MYLK: variants seen among roughly 807,000 people sequenced by gnomAD.
MYLK encodes the protein myosin light chain kinase, smooth muscle.
Under a neutral mutation model 203.4 loss-of-function variants are expected in MYLK, and 106 were observed. The observed-to-expected ratio is 0.52, with a 90% CI of 0.45 to 0.61. The LOEUF is 0.61. Among genes scored for constraint, MYLK ranks in the 20% least tolerant of loss-of-function variants. The probability of loss-of-function intolerance (pLI) is 0.00; values close to 1 mark genes in which losing one functional copy is unlikely to be tolerated. For missense variants in MYLK, 2,072 were observed against 2,442.3 expected, an observed-to-expected ratio of 0.85 and a Z score of 3.20; for synonymous variants, 867 against 959.5, an observed-to-expected ratio of 0.90 and a Z score of 1.78.
chr3:123,613,550 T>C lies in MYLK; in HGVS notation c.*555A>G, dbSNP rs1321660534. On this transcript the variant is annotated 3_prime_UTR_variant, in exon 34 of 34. Transcript: ENST00000360304. ...ATGACAAGTTGAGAGTCAGCAAAACTGGCAGGTGGAAGGGGAAAGAGAAAT... is the reference window on the plus strand; with the variant it reads ...ATGACAAGTTGAGAGTCAGCAAAACCGGCAGGTGGAAGGGGAAAGAGAAAT... 1 of 162,826 alleles carries C rather than the reference T, an allele frequency of 6.1e-6. No homozygotes were observed. The highest frequency in any genetic ancestry group is 5.8e-5 in the Admixed American group (1 of 17,106). The allele number at this position is 162,826 out of a possible 1,614,324, so 10.1% of individuals were successfully genotyped here.
At chr3:123,830,069 C>T (rs967988094) in intron 3 of MYLK, among the ~76,000 whole-genome samples, 1 of 152,228 alleles carries the variant, frequency 6.6e-6, no homozygotes, top group Non-Finnish European at 1.5e-5. Context: ...TCTGGCATAG[C>T]CCACTCACCA....
At chr3:123,710,727 C>T (rs1282501401) in intron 13 of MYLK, among the ~76,000 whole-genome samples, 1 of 152,134 alleles carries the variant, frequency 6.6e-6, no homozygotes, top group Non-Finnish European at 1.5e-5. Flanking sequence ...CTGGGTATGT[C>T]CCTGAGAGAA....
At chr3:123,653,271 G>A (rs772137605) in intron 24 of MYLK, among the ~76,000 whole-genome samples, 1 of 152,006 alleles carries the variant, frequency 6.6e-6, no homozygotes, top group Non-Finnish European at 1.5e-5. Context: ...GAACACACAC[G>A]CCACTTCCCT....
At chr3:123,843,921 C>T (rs1030814518) in intron 2 of MYLK, among the ~76,000 whole-genome samples, 1 of 152,158 alleles carries the variant, frequency 6.6e-6, no homozygotes, top group African/African-American at 2.4e-5. Context: ...TTCAAATATG[C>T]TTCTTGAGTC....
chr3:123,698,579 G>A (rs1272340178), intron 18 of MYLK, among the ~76,000 whole-genome samples: 1 of 152,232 alleles, frequency 6.6e-6, no homozygotes, highest in African/African-American at 2.4e-5. Context: ...CATGCCTCAG[G>A]GGAGGGGGGC....
In MYLK at chr3:123,700,483, A is replaced by C; in HGVS notation, c.2985T>G (p.Asn995Lys). The change falls in exon 18 of 34, where the codon AAT becomes AAG. Residue 995 changes from asparagine (N) to lysine (K), a missense_variant. Physicochemically the swap from Asn to Lys is moderately conservative, Grantham distance 94. This residue lies in a region of MYLK where 865 missense variants were observed against 1,016.0 expected (regional missense o/e 0.85). Coordinates refer to ENST00000360304, the MANE Select transcript of MYLK (RefSeq NM_053025.4). ...TCAGGGTCTCGGCACTGCTGCTGCC[A>C]TTCTCTGCTGGTAATTTCTTCTTGC... ...LGGKKKLPAE[N>K]GSSSAETLNA... 1 of 1,607,892 alleles carries C rather than the reference A, an allele frequency of 6.2e-7. No homozygotes were observed. The highest frequency in any genetic ancestry group is 8.5e-7 in the Non-Finnish European group (1 of 1,175,764).
chr3:123,772,079 C>G (rs1265696804), intron 4 of MYLK, among the ~76,000 whole-genome samples: 7 of 152,050 alleles, frequency 4.6e-5, no homozygotes, highest in Non-Finnish European at 1.0e-4. Context: ...TGCACATGCA[C>G]TTCACCTAGG....
intron 12 of MYLK, 89 bp downstream of exon 12, chr3:123,725,855 A>T (rs1315034822): frequency 6.5e-7 from 1 of 1,543,530 alleles, no homozygotes; most frequent in South Asian, 1.2e-5. Flanking sequence ...TGTCCAAGGC[A>T]TAAATGGCTC....
intron 3 of MYLK, among the ~76,000 whole-genome samples, chr3:123,823,284 T>C (rs1409445922): frequency 6.6e-6 from 1 of 152,156 alleles, no homozygotes; most frequent in Admixed American, 6.5e-5. Context: ...TCCACACACA[T>C]TTCTTATCCC....
At chr3:123,854,710 AT>A (rs1285597183) in intron 2 of MYLK, among the ~76,000 whole-genome samples, 1 of 152,198 alleles carries the variant, frequency 6.6e-6, no homozygotes, top group African/African-American at 2.4e-5. Flanking sequence ...CTCACAATAT[AT>A]TCTTGTAATT....
intron 4 of MYLK, among the ~76,000 whole-genome samples, chr3:123,763,371 G>A (rs1160685556): frequency 6.6e-5 from 10 of 152,042 alleles, no homozygotes; most frequent in Admixed American, 6.5e-4. Context: ...AGTGGTCCTG[G>A]GACATTCCCT....
rs770019632 is a variant in MYLK at position 123,799,539 on chromosome 3, T to C, written c.-3-5695A>G. On this transcript the variant is annotated intron_variant, in intron 3 of 33. Coordinates refer to ENST00000360304, the MANE Select transcript of MYLK (RefSeq NM_053025.4). ...GTCAGTTTGCCGGGCATCTTGGAAA[T>C]ATCATACCTTCCCTAGAGGGAGGGG... Among the ~76,000 whole-genome samples the C allele has an allele frequency of 9.9e-5, 15 of 152,228 alleles. No homozygotes were observed. In the South Asian group the frequency reaches 1.5e-3, roughly 15 times the overall value.
At chr3:123,641,440 AT>A (rs112455075) in intron 27 of MYLK, among the ~76,000 whole-genome samples, 77 of 145,190 alleles carry the variant, frequency 5.3e-4, no homozygotes, top group Non-Finnish European at 7.0e-4. Flanking sequence ...TTCTTCTTCA[AT>A]TTTTTTTTTT....
chr3:123,639,572 C>T (rs1205000517), intron 28 of MYLK, among the ~76,000 whole-genome samples: 2 of 152,170 alleles, frequency 1.3e-5, no homozygotes, highest in Non-Finnish European at 2.9e-5. Context: ...TGGATGCAGG[C>T]AGAATGTGAG....
chr3:123,742,150 C>A (rs1264573737), intron 5 of MYLK, among the ~76,000 whole-genome samples: 1 of 152,244 alleles, frequency 6.6e-6, no homozygotes, highest in African/African-American at 2.4e-5. Context: ...CCAGCTCCAT[C>A]TAATTTCTCC....
intron 5 of MYLK, among the ~76,000 whole-genome samples, chr3:123,740,818 C>T (rs2062834171): frequency 6.6e-6 from 1 of 152,254 alleles, no homozygotes. Context: ...CGCTATCCTA[C>T]TGGGCGCTGC....
At chr3:123,674,845 A>C (rs1357356789) in intron 20 of MYLK, among the ~76,000 whole-genome samples, 1 of 152,178 alleles carries the variant, frequency 6.6e-6, no homozygotes, top group Admixed American at 6.5e-5. Flanking sequence ...CACGGGGTTC[A>C]TGGCCCTCTG....
chr3:123,659,377 C>CAACAGG, intron 23 of MYLK, among the ~76,000 whole-genome samples: 1 of 152,200 alleles, frequency 6.6e-6, no homozygotes, highest in Non-Finnish European at 1.5e-5. Context: ...GTACCCTACC[C>CAACAGG]TGTTACACAT....
intron 13 of MYLK, among the ~76,000 whole-genome samples, chr3:123,713,209 G>A (rs1421314440): frequency 6.6e-6 from 1 of 152,140 alleles, no homozygotes; most frequent in Non-Finnish European, 1.5e-5. Flanking sequence ...AAGAAAGAAG[G>A]GAAGATGGAA....
Sources: gnomAD v4.1 joint callset for allele counts (sites outside exome capture counted in the v4.1 genomes callset) on GRCh38, gnomAD v4.1.1 for gene constraint, gnomAD v4.1.1 regional missense constraint, MANE v1.5 for transcripts, NCBI Gene and HGNC (gene_info 2026-07-23, HGNC 2026-07-21) for gene names.